The following PASD1 variants were observed in gnomAD, a reference collection of about 807,000 sequenced individuals.
PASD1 encodes the protein circadian clock protein PASD1.
In PASD1, 13 loss-of-function variants were observed where a neutral mutation model predicts 58.8. The observed-to-expected ratio is 0.22, with a 90% CI of 0.14 to 0.35. The LOEUF (loss-of-function observed/expected upper bound fraction) is 0.35, where lower values mean the gene tolerates loss of function less well. Ranked by LOEUF, PASD1 falls within the 10% of genes least tolerant of loss-of-function variation. The pLI is 1.00. For synonymous variants in PASD1, 236 were observed against 216.7 expected, an observed-to-expected ratio of 1.09 and a Z score of -0.78; for missense variants, 734 against 568.3, an observed-to-expected ratio of 1.29 and a Z score of -2.96.
chrX:151,645,904 T>TTTGTTTTGTTTTGTTTTG (rs60564694), intron 8 of PASD1: 34,094 of 106,508 alleles, frequency 0.32, 4,183 homozygotes, highest in Middle Eastern at 0.45. Context: ...TGTGAGGTGT[T>TTTGTTTTGTTTTGTTTTG]TTTTGTTTTG....
chrX:151,568,725 C>T (rs1248806062), intron 1 of PASD1, among the ~76,000 whole-genome samples: 2 of 111,748 alleles, frequency 1.8e-5, no homozygotes, highest in Non-Finnish European at 3.8e-5. Flanking sequence ...TGTTGAACTC[C>T]TAGTGTGTCT....
At chrX:151,612,211 C>T (rs189204636) in intron 4 of PASD1, among the ~76,000 whole-genome samples, 4 of 29 alleles carry the variant, frequency 0.14, no homozygotes, top group South Asian at 0.5. Flanking sequence ...CTTAATCCAG[C>T]CTATCATGTT....
At chrX:151,655,245 G>A (rs1056677027) in intron 9 of PASD1, among the ~76,000 whole-genome samples, 2 of 108,793 alleles carry the variant, frequency 1.8e-5, no homozygotes, top group East Asian at 5.6e-4. Context: ...TCTTAATCCA[G>A]TATATCACTG....
chrX:151,614,636 A>G (rs952750468), intron 4 of PASD1, among the ~76,000 whole-genome samples: 5 of 112,352 alleles, frequency 4.5e-5, no homozygotes, highest in Non-Finnish European at 7.5e-5. Flanking sequence ...CATATTCCTC[A>G]TTCCACAGAG....
chrX:151,631,851 T>C lies in PASD1; in HGVS notation c.629+6321T>C, dbSNP rs576957210. 2.7e-5 allele frequency among the ~76,000 whole-genome samples: 3 copies of C among 112,241 alleles called. No homozygotes were observed. The South Asian group carries it at 1.1e-3, about 42-fold the overall frequency. On this transcript the variant is annotated intron_variant, in intron 8 of 15. Coordinates refer to ENST00000370357, the MANE Select transcript of PASD1 (RefSeq NM_173493.3). ...TATACCGTATTGACTCCATTCCTTA[T>C]GTCTGTCCCATCTTGAGCAGAGGAG...
At chrX:151,571,669 T>A (rs2012929753) in intron 1 of PASD1, among the ~76,000 whole-genome samples, 1 of 112,377 alleles carries the variant, frequency 8.9e-6, no homozygotes, top group African/African-American at 3.2e-5. Flanking sequence ...CCATGTTTCA[T>A]TGATGCCTAA....
At chrX:151,612,979 T>G (rs1196804194) in intron 4 of PASD1, among the ~76,000 whole-genome samples, 2 of 111,901 alleles carry the variant, frequency 1.8e-5, no homozygotes, top group Non-Finnish European at 3.8e-5. Flanking sequence ...TAAACCATCT[T>G]GAATTAATTT....
At chrX:151,622,868 G>A in intron 6 of PASD1, 69 bp from the exon 7 acceptor site, 1 of 1,089,045 alleles carries the variant, frequency 9.2e-7, no homozygotes, top group Non-Finnish European at 1.2e-6. Flanking sequence ...ACATGGATGT[G>A]TCAGGTATTT....
chrX:151,601,749 T>C (rs1658483742), intron 2 of PASD1, among the ~76,000 whole-genome samples, 168 bp downstream of exon 2: 1 of 111,618 alleles, frequency 9.0e-6, no homozygotes, highest in Non-Finnish European at 1.9e-5. Flanking sequence ...AGCTCTATTA[T>C]AATACTTAGC....
At chrX:151,637,578 G>T (rs1482429857) in intron 8 of PASD1, among the ~76,000 whole-genome samples, 1 of 111,202 alleles carries the variant, frequency 9.0e-6, no homozygotes. Flanking sequence ...GTTTCACCAT[G>T]TTGGTCTCAA....
At chrX:151,603,024 T>C (rs1346308793) in intron 2 of PASD1, among the ~76,000 whole-genome samples, 1 of 112,762 alleles carries the variant, frequency 8.9e-6, no homozygotes, top group Non-Finnish European at 1.9e-5. Flanking sequence ...AATACCTTCC[T>C]AGTAAGGCTT....
chrX:151,565,872 A>G (rs1296900382), intron 1 of PASD1, among the ~76,000 whole-genome samples: 2 of 111,918 alleles, frequency 1.8e-5, no homozygotes, highest in Non-Finnish European at 3.8e-5. Context: ...GTGGCTTTCT[A>G]ATGGCTGGCC....
At chrX:151,601,418 C>G (rs909423029) in intron 1 of PASD1, 109 bp from the exon 2 acceptor site, 2 of 526,514 alleles carry the variant, frequency 3.8e-6, no homozygotes, top group African/African-American at 4.7e-5. Flanking sequence ...GTAGACATTC[C>G]TTGAGGGAAA....
intron 1 of PASD1, among the ~76,000 whole-genome samples, 152 bp from the exon 2 acceptor site, chrX:151,601,375 T>C (rs1160489886): frequency 8.9e-6 from 1 of 112,437 alleles, no homozygotes; most frequent in African/African-American, 3.2e-5. Flanking sequence ...GAGAGTGTTA[T>C]TGGTACTTAA....
chrX:151,588,386 C>G (rs770125169), intron 1 of PASD1, among the ~76,000 whole-genome samples: 1 of 112,327 alleles, frequency 8.9e-6, no homozygotes, highest in Admixed American at 9.4e-5. Context: ...ATGTAGTAGT[C>G]TCTGCATTCT....
chrX:151,664,101 C>G lies in PASD1; in HGVS notation c.842-18C>G. On this transcript the variant is annotated intron_variant, in intron 10 of 15. Transcript: ENST00000370357. ...TTTGCTTTTTAAGTCATGAACTCCC[C>G]TGTGCTTTCTTCCTCAGCCTTATCC... is the stretch of plus-strand genomic sequence containing the variant. The G allele has an allele frequency of 8.3e-7, 1 of 1,211,412 alleles. No homozygotes were observed. The highest frequency in any genetic ancestry group is 1.1e-6 in the Non-Finnish European group (1 of 895,246).
rs1479545751 is a variant in PASD1, at chrX:151,671,160, G to T, written c.1194G>T (p.Gln398His). Residue 398 changes from glutamine (Q) to histidine (H), a missense_variant, in exon 12 of 16, where the codon CAG (glutamine) becomes CAT (histidine). Transcript: ENST00000370357. Reference protein sequence around the residue: ...TWLLHDAIQNQQNALELMMDH... With the variant: ...TWLLHDAIQNHQNALELMMDH... ...TGCTGCATGATGCCATCCAAAACCA[G>T]CAGAATGCATTGGAATTGATGATGG... 8.3e-6 allele frequency: 10 copies of T among 1,211,662 alleles called. No individual in the cohort carries two copies. Among genetic ancestry groups the T allele is most frequent in the Non-Finnish European group, 1.0e-5 (9 of 895,462 alleles).
At chrX:151,614,721 G>A (rs763053719) in intron 4 of PASD1, among the ~76,000 whole-genome samples, 1 of 111,900 alleles carries the variant, frequency 8.9e-6, no homozygotes, top group South Asian at 3.8e-4. Flanking sequence ...ATTAATAGAA[G>A]CTAGGTTAGA....
chrX:151,567,393 C>T (rs2012863459), intron 1 of PASD1, among the ~76,000 whole-genome samples: 1 of 111,766 alleles, frequency 8.9e-6, no homozygotes, highest in South Asian at 3.8e-4. Context: ...TCTAGGAAGC[C>T]ACTGGATATG....
Sources: allele counts gnomAD v4.1 joint callset (sites outside exome capture counted in the v4.1 genomes callset), GRCh38; gene constraint gnomAD v4.1.1; transcripts MANE v1.5; gene names NCBI Gene and HGNC (gene_info 2026-07-23, HGNC 2026-07-21).